The following USP24 variants were observed in gnomAD, a reference collection of about 807,000 sequenced individuals.
The protein encoded by USP24 is ubiquitin carboxyl-terminal hydrolase 24.
Under a neutral mutation model 361.6 loss-of-function variants are expected in USP24, and 97 were observed. The observed-to-expected ratio is 0.27, with a 90% confidence interval of 0.23 to 0.32. USP24 has a LOEUF of 0.32. USP24 is among the 10% of genes least tolerant of loss of function. The pLI is 1.00. For synonymous variants in USP24, 1,098 were observed against 1,124.6 expected, an observed-to-expected ratio of 0.98 and a Z score of 0.47; for missense variants, 2,353 against 3,165.6, an observed-to-expected ratio of 0.74 and a Z score of 6.16.
chr1:55,094,014 A>T lies in USP24; in HGVS notation c.6277T>A (p.Ser2093Thr), dbSNP rs1645438489. ...TTTTTAACCAGCTTGGTAAGAATAG[A>T]CAGCCGGTCATTGTTCGGCCTATGG... ...RPHRPNNDRL[S>T]ILTKLVKKGE... Residue 2093 changes from serine (S) to threonine (T), a missense_variant, in exon 52 of 68, where the codon TCT becomes ACT. Physicochemically the swap from Ser to Thr is moderately conservative, Grantham distance 58. This residue lies in a region of USP24 where 598 missense variants were observed against 761.9 expected (regional missense o/e 0.78). Coordinates refer to ENST00000294383, the MANE Select transcript of USP24 (RefSeq NM_015306.3). The T allele has an allele frequency of 2.5e-6, 4 of 1,613,780 alleles. No individual in the cohort carries two copies. The highest frequency in any genetic ancestry group is 1.3e-5 in the African/African-American group (1 of 74,916).
intron 50 of USP24, 95 bp from the exon 51 acceptor site, chr1:55,095,491 T>A: frequency 7.4e-7 from 1 of 1,355,302 alleles, no homozygotes; most frequent in Non-Finnish European, 9.8e-7. Context: ...AGCAAGTAGT[T>A]AACTACTCCC....
At chr1:55,212,567 C>G (rs904908077) in intron 1 of USP24, among the ~76,000 whole-genome samples, 2 of 152,182 alleles carry the variant, frequency 1.3e-5, no homozygotes, top group Non-Finnish European at 1.5e-5. Flanking sequence ...TTCCCAAGAT[C>G]AAGAGCCTCA....
In USP24 at chr1:55,072,073, C is replaced by T. The variant is rs542802682; in HGVS notation, c.7690-149G>A. On this transcript the variant is annotated intron_variant, in intron 66 of 67. Coordinates refer to ENST00000294383, the MANE Select transcript of USP24 (RefSeq NM_015306.3). ...ATCACAGTCACCAGAACCCCCTCAA[C>T]CCCTGTCCCTTTTTGTGACCAGACT... is the stretch of plus-strand genomic sequence containing the variant. 39 of 777,932 alleles carry T rather than the reference C, an allele frequency of 5.0e-5. No homozygotes were observed. In the African/African-American group the frequency reaches 6.0e-4, roughly 12 times the overall value. 48.2% of individuals were successfully genotyped at this position (777,932 alleles called of 1,614,324 possible).
At chr1:55,154,536 T>G in intron 13 of USP24, 70 bp from the exon 14 acceptor site, 2 of 1,511,978 alleles carry the variant, frequency 1.3e-6, no homozygotes, top group Non-Finnish European at 1.8e-6. Context: ...ATTTTAAACT[T>G]GAGCTAAAAA....
Position 55,107,445 on chromosome 1 carries a change from A to C in USP24, c.4571-15T>G, listed in dbSNP as rs1303511579. Reference sequence around the variant, plus strand: ...CATTTCTGAAGCTAAGAAGGAAAAAAAAAATCCATTACAAAGAAAGAAGGA... The same window carrying C: ...CATTTCTGAAGCTAAGAAGGAAAAACAAAATCCATTACAAAGAAAGAAGGA... On this transcript the variant is annotated splice_polypyrimidine_tract_variant and intron_variant, in intron 39 of 67. Transcript: ENST00000294383. 1 of 1,554,658 alleles carries C rather than the reference A, an allele frequency of 6.4e-7. No homozygotes were observed. Among genetic ancestry groups the C allele is most frequent in the Non-Finnish European group, 8.7e-7 (1 of 1,155,132 alleles).
At position 55,068,293 on chromosome 1, in the gene USP24, T is replaced by C. The variant is rs768181987; in HGVS notation, c.*752A>G. ...AACAACTCATAACTTCTTTAAGTAA[T>C]TGATGTCAAATAATGCACCCTGTAC... On this transcript the variant is annotated 3_prime_UTR_variant, in exon 68 of 68. Transcript: ENST00000294383. 4 of 152,250 alleles carry C rather than the reference T, an allele frequency of 2.6e-5. No individual in the cohort carries two copies. Among genetic ancestry groups the C allele is most frequent in the Non-Finnish European group, 4.4e-5 (3 of 68,034 alleles). 9.4% of individuals were successfully genotyped at this position (152,250 alleles called of 1,614,324 possible).
intron 9 of USP24, 38 bp downstream of exon 9, chr1:55,159,573 C>A: frequency 1.3e-6 from 2 of 1,535,294 alleles, no homozygotes; most frequent in Non-Finnish European, 1.8e-6. Flanking sequence ...TGTGAACTAA[C>A]TGGCACTGGG....
At chr1:55,203,343 T>C (rs1050141232) in intron 1 of USP24, among the ~76,000 whole-genome samples, 1 of 152,212 alleles carries the variant, frequency 6.6e-6, no homozygotes, top group Non-Finnish European at 1.5e-5. Flanking sequence ...GGCAGAAGGC[T>C]GGGTTCCTTT....
chr1:55,183,826 T>C (rs909311434), intron 1 of USP24, among the ~76,000 whole-genome samples: 1 of 152,046 alleles, frequency 6.6e-6, no homozygotes, highest in East Asian at 1.9e-4. Context: ...CATACACACA[T>C]ACAGGAGCTG....
chr1:55,123,498 C>T lies in USP24; in HGVS notation c.4225G>A (p.Glu1409Lys). The change falls in exon 36 of 68, where the codon GAG becomes AAG. Residue 1409 changes from glutamate (E) to lysine (K), a missense_variant. This residue lies in a region of USP24 where 949 missense variants were observed against 1,280.5 expected (regional missense o/e 0.74). Transcript: ENST00000294383. The part of the protein sequence containing the change: ...VSTKDSLIAG[E>K]ALSLLVTCLQ... ...CACGTAACAAGAAGAGACAAAGCCTCTCCCGCAATCAGCGAGTCTTTGGTG... is the reference window on the plus strand; with the variant it reads ...CACGTAACAAGAAGAGACAAAGCCTTTCCCGCAATCAGCGAGTCTTTGGTG... The T allele has an allele frequency of 6.2e-7, 1 of 1,605,084 alleles. No individual in the cohort carries two copies.
chr1:55,107,309 G>A lies in USP24; in HGVS notation c.4692C>T (p.Ile1564=), dbSNP rs770122375. ...TGAGGCGTAAGTGCCCTGCCAGTAAGATGTTGTCCGCTTCACTGGTCTCAC... is the reference window on the plus strand; with the variant it reads ...TGAGGCGTAAGTGCCCTGCCAGTAAAATGTTGTCCGCTTCACTGGTCTCAC... ...AECETSEADN[I]LLAGHLRLIK... Residue 1564 remains isoleucine, a synonymous_variant, in exon 40 of 68, where the codon ATC becomes ATT. Transcript: ENST00000294383. 6 of 1,613,868 alleles carry A rather than the reference G, an allele frequency of 3.7e-6. No homozygotes were observed. The highest frequency in any genetic ancestry group is 5.1e-6 in the Non-Finnish European group (6 of 1,179,898).
At position 55,214,847 on chromosome 1, in the gene USP24, G is replaced by C; in HGVS notation, c.267C>G (p.Thr89=). 2.0e-5 allele frequency: 25 copies of C among 1,223,612 alleles called. No homozygotes were observed. Among genetic ancestry groups the C allele is most frequent in the Non-Finnish European group, 2.6e-5 (25 of 974,916 alleles). The allele number at this position is 1,223,612 out of a possible 1,614,324, so 75.8% of individuals were successfully genotyped here. A position where few individuals can be genotyped will look rare whatever the true frequency, so the allele number is the denominator to read the frequency against. The part of the protein sequence containing the change: ...GGGGPSRGGS[T]GGGGGFDPPP... ...GGGGGTCGAAGCCGCCCCCGCCTCCGGTGCTCCCGCCGCGGGAGGGGCCGC... is the reference window on the plus strand; with the variant it reads ...GGGGGTCGAAGCCGCCCCCGCCTCCCGTGCTCCCGCCGCGGGAGGGGCCGC... Residue 89 remains threonine, a synonymous_variant, in exon 1 of 68, where the codon ACC becomes ACG. Coordinates refer to ENST00000294383, the MANE Select transcript of USP24 (RefSeq NM_015306.3).
intron 43 of USP24, among the ~76,000 whole-genome samples, chr1:55,101,181 G>T (rs1057208367): frequency 1.4e-4 from 21 of 152,158 alleles, no homozygotes; most frequent in Admixed American, 3.9e-4. Context: ...AACTGGTCTA[G>T]TAATACCAGG....
Position 55,088,975 on chromosome 1 carries a change from C to T in USP24, c.6668+652G>A, listed in dbSNP as rs1056465547. On this transcript the variant is annotated intron_variant, in intron 55 of 67. Coordinates refer to ENST00000294383, the MANE Select transcript of USP24 (RefSeq NM_015306.3). Reference sequence around the variant, plus strand: ...GTTGCCAGGCTGGAGTGCAGTGACGCGATCTCAGCTCACTGCAACCTCTGC... The same window carrying T: ...GTTGCCAGGCTGGAGTGCAGTGACGTGATCTCAGCTCACTGCAACCTCTGC... Among the ~76,000 whole-genome samples the T allele has an allele frequency of 6.1e-4, 92 of 151,480 alleles. 6 individuals carry two copies. The highest frequency in any genetic ancestry group is 3.9e-4 in the East Asian group (2 of 5,128).
chr1:55,097,913 C>A, intron 47 of USP24, 30 bp downstream of exon 47: 1 of 1,571,912 alleles, frequency 6.4e-7, no homozygotes, highest in South Asian at 1.2e-5. Context: ...ACAAATTAAT[C>A]TTGTTTTTTA....
chr1:55,096,768 A>G, intron 49 of USP24, 146 bp from the exon 50 acceptor site: 2 of 1,400,718 alleles, frequency 1.4e-6, no homozygotes, highest in Non-Finnish European at 1.9e-6. Flanking sequence ...CAATTATTTC[A>G]ATTTCTAAAA....
At chr1:55,203,253 A>G (rs185928112) in intron 1 of USP24, among the ~76,000 whole-genome samples, 5 of 152,356 alleles carry the variant, frequency 3.3e-5, no homozygotes, top group African/African-American at 2.4e-5. Flanking sequence ...GAGGAAGGAT[A>G]TATTAAAGAT....
In USP24 at chr1:55,138,933, A is replaced by T. The variant is rs765547698; in HGVS notation, c.2817+11T>A. On this transcript the variant is annotated intron_variant, in intron 25 of 67. Transcript: ENST00000294383. Reference sequence around the variant, plus strand: ...AAGCAACATACATCTTAAAAAAAGGAAGTGGCTTACCTCTATAGTGATCAC... The same window carrying T: ...AAGCAACATACATCTTAAAAAAAGGTAGTGGCTTACCTCTATAGTGATCAC... The T allele has an allele frequency of 2.5e-6, 4 of 1,610,040 alleles. No individual in the cohort carries two copies. The highest frequency in any genetic ancestry group is 1.3e-5 in the African/African-American group (1 of 74,720).
At chr1:55,138,864 G>T in intron 25 of USP24, 80 bp downstream of exon 25, 1 of 1,473,088 alleles carries the variant, frequency 6.8e-7, no homozygotes, top group Non-Finnish European at 9.3e-7. Flanking sequence ...TAAACTCCCA[G>T]CTGCTAGAAA....
Sources: allele counts gnomAD v4.1 joint callset (sites outside exome capture counted in the v4.1 genomes callset), GRCh38; gene constraint gnomAD v4.1.1; regional missense constraint gnomAD v4.1.1; transcripts MANE v1.5; gene names NCBI Gene and HGNC (gene_info 2026-07-23, HGNC 2026-07-21).